Variants in GALNT2 observed in about 807,000 individuals in gnomAD.
GALNT2 encodes UDP-GalNAc:polypeptide N-acetylgalactosaminyltransferase 2.
Under a neutral mutation model 81.4 loss-of-function variants are expected in GALNT2, and 31 were observed. The observed-to-expected ratio is 0.38, with a 90% CI of 0.29 to 0.51. The LOEUF is 0.51. GALNT2 is among the 20% of genes least tolerant of loss of function. The pLI is 0.87. For synonymous variants in GALNT2, 303 were observed against 287.4 expected, an observed-to-expected ratio of 1.05 and a Z score of -0.55; for missense variants, 629 against 765.7, an observed-to-expected ratio of 0.82 and a Z score of 2.11.
intron 1 of GALNT2, among the ~76,000 whole-genome samples, chr1:230,173,229 C>T (rs1453681933): frequency 6.6e-6 from 1 of 152,196 alleles, no homozygotes; most frequent in Non-Finnish European, 1.5e-5. Context: ...GCATCTAGGT[C>T]TTTCCAGAGG....
intron 3 of GALNT2, among the ~76,000 whole-genome samples, chr1:230,230,093 G>A (rs997756779): frequency 3.3e-5 from 5 of 152,170 alleles, no homozygotes; most frequent in East Asian, 1.9e-4. Flanking sequence ...AACTTTATGC[G>A]TGAAATATTT....
rs781226893 is a variant in GALNT2, at chr1:230,243,272, C to T, written c.608-34C>T. ...GGGTTGTGCTGGCCCTGTGGCTTCT[C>T]TCTCCTGACGTGCTTTCCAACTCGC... is the stretch of plus-strand genomic sequence containing the variant. On this transcript the variant is annotated intron_variant, in intron 6 of 15. Coordinates refer to ENST00000366672, the MANE Select transcript of GALNT2 (RefSeq NM_004481.5). The surrounding 1 kb of genome is among the most constrained non-coding windows in gnomAD (Gnocchi z 4.2). The T allele has an allele frequency of 6.4e-7, 1 of 1,566,324 alleles. No homozygotes were observed. Among genetic ancestry groups the T allele is most frequent in the Non-Finnish European group, 8.6e-7 (1 of 1,157,732 alleles).
At chr1:230,251,872 C>G (rs1665554883) in intron 10 of GALNT2, among the ~76,000 whole-genome samples, 1 of 152,030 alleles carries the variant, frequency 6.6e-6, no homozygotes, top group South Asian at 2.1e-4. Flanking sequence ...ATTTACATAT[C>G]TAAGGAGGCA....
At chr1:230,180,404 C>A (rs1395884410) in intron 2 of GALNT2, among the ~76,000 whole-genome samples, 1 of 137,008 alleles carries the variant, frequency 7.3e-6, no homozygotes, top group Non-Finnish European at 1.5e-5. Context: ...GCTCCTTTGT[C>A]AGAGATCAGT....
At chr1:230,163,670 T>C (rs1321436989) in intron 1 of GALNT2, among the ~76,000 whole-genome samples, 2 of 152,244 alleles carry the variant, frequency 1.3e-5, no homozygotes, top group Non-Finnish European at 2.9e-5. Flanking sequence ...CTCACTGTCT[T>C]TTCAGCTTTC....
At chr1:230,190,595 T>C (rs1663489823) in intron 2 of GALNT2, among the ~76,000 whole-genome samples, 1 of 152,208 alleles carries the variant, frequency 6.6e-6, no homozygotes, top group African/African-American at 2.4e-5. Context: ...CCATCTCTCT[T>C]TCAGAGCCCC....
At chr1:230,233,687 A>G (rs184266514) in intron 3 of GALNT2, among the ~76,000 whole-genome samples, 2 of 152,270 alleles carry the variant, frequency 1.3e-5, no homozygotes, top group African/African-American at 4.8e-5. Flanking sequence ...AGTGAAGGGA[A>G]TGTTTCCCTC....
intron 1 of GALNT2, among the ~76,000 whole-genome samples, chr1:230,111,952 T>C (rs1660717364): frequency 6.6e-6 from 1 of 151,648 alleles, no homozygotes. Context: ...TTGTTAAAGA[T>C]CCTCTTGATT....
In GALNT2 at chr1:230,244,855, G is replaced by A. The variant is rs1477936414; in HGVS notation, c.730-1208G>A. On this transcript the variant is annotated intron_variant, in intron 7 of 15. Coordinates refer to ENST00000366672, the MANE Select transcript of GALNT2 (RefSeq NM_004481.5). ...TGTTACAGAGCTTTGCAGTGTTTGCGTGTTCCTAATTAGCATGTTCCTTCA... is the reference window on the plus strand; with the variant it reads ...TGTTACAGAGCTTTGCAGTGTTTGCATGTTCCTAATTAGCATGTTCCTTCA... Among the ~76,000 whole-genome samples the A allele has an allele frequency of 4.0e-5, 6 of 151,234 alleles. No individual in the cohort carries two copies. The East Asian group carries it at 5.8e-4, about 15-fold the overall frequency.
At chr1:230,236,594 A>G in intron 5 of GALNT2, 66 bp from the exon 6 acceptor site, 6 of 1,510,394 alleles carry the variant, frequency 4.0e-6, no homozygotes, top group Non-Finnish European at 5.5e-6. Flanking sequence ...TGAGAATACT[A>G]TGGTTGAATG....
intron 1 of GALNT2, among the ~76,000 whole-genome samples, chr1:230,137,005 G>T (rs1213342950): frequency 6.6e-6 from 1 of 152,240 alleles, no homozygotes; most frequent in Admixed American, 6.5e-5. Context: ...TCCATAGTCA[G>T]TGGGCTATTC....
rs1666365791 is a variant in GALNT2 at position 230,279,005 on chromosome 1, G to T, written c.1561-298G>T. ...CAAATCCTGTGTTAATGACGAAGGG[G>T]TGGGTGCCCAGAGCTCTGGGGCTCA... is the stretch of plus-strand genomic sequence containing the variant. On this transcript the variant is annotated intron_variant, in intron 15 of 15. Transcript: ENST00000366672. The surrounding 1 kb of genome is among the most constrained non-coding windows in gnomAD (Gnocchi z 4.6). 6.6e-6 allele frequency among the ~76,000 whole-genome samples: 1 copy of T among 152,194 alleles called. No individual in the cohort carries two copies. Among genetic ancestry groups the T allele is most frequent in the Non-Finnish European group, 1.5e-5 (1 of 68,032 alleles).
chr1:230,140,011 G>C (rs545277437), intron 1 of GALNT2, among the ~76,000 whole-genome samples: 3 of 152,206 alleles, frequency 2.0e-5, no homozygotes, highest in South Asian at 2.1e-4. Flanking sequence ...GACATCCTGC[G>C]ACCACCCCAG....
upstream of GALNT2, among the ~76,000 whole-genome samples, chr1:230,062,361 A>G (rs1659069545): frequency 6.6e-6 from 1 of 152,232 alleles, no homozygotes; most frequent in African/African-American, 2.4e-5. Flanking sequence ...GTTTTTTCAA[A>G]TTGTGATGAA....
At chr1:230,247,098 A>G (rs1256280189) in intron 8 of GALNT2, among the ~76,000 whole-genome samples, 5 of 150,446 alleles carry the variant, frequency 3.3e-5, no homozygotes, top group Admixed American at 2.6e-4. Flanking sequence ...AAAAAAAATT[A>G]GCTGCGTGTG....
Position 230,257,977 on chromosome 1 carries a change from C to T in GALNT2, c.1136+2633C>T, listed in dbSNP as rs761141700. On this transcript the variant is annotated intron_variant, in intron 11 of 15. Transcript: ENST00000366672. The surrounding 1 kb of genome is among the most constrained non-coding windows in gnomAD (Gnocchi z 4.6). ...TTGCCCAGGCTGGAGTGCAAAGGTG[C>T]GATCTCGGCTCACTGCAACCTCCAC... Among the ~76,000 whole-genome samples, 6 of 152,124 alleles carry T rather than the reference C, an allele frequency of 3.9e-5. No individual in the cohort carries two copies. The highest frequency in any genetic ancestry group is 6.6e-5 in the Admixed American group (1 of 15,260).
At chr1:230,157,461 T>C (rs1662294012) in intron 1 of GALNT2, among the ~76,000 whole-genome samples, 1 of 152,214 alleles carries the variant, frequency 6.6e-6, no homozygotes, top group Non-Finnish European at 1.5e-5. Context: ...CATGTTCTCA[T>C]ACAACGCAGT....
intron 1 of GALNT2, among the ~76,000 whole-genome samples, chr1:230,133,259 CGG>C (rs1216147169): frequency 6.6e-6 from 1 of 152,096 alleles, no homozygotes; most frequent in African/African-American, 2.4e-5. Flanking sequence ...GTGGAATTAC[CGG>C]GTCAGAGAGT....
chr1:230,067,363 G>A lies in GALNT2; in HGVS notation c.83G>A (p.Gly28Asp), dbSNP rs868540955. The change falls in exon 1 of 16, where the codon GGC becomes GAC. Residue 28 changes from glycine to aspartate, a missense_variant. Coordinates refer to ENST00000366672, the MANE Select transcript of GALNT2 (RefSeq NM_004481.5). ...GIAYYMYSGG[G>D]SALAGGAGGG... is the part of the protein sequence containing the mutation. ...GCCTACTACATGTACTCGGGGGGCG[G>A]CTCTGCGCTGGCCGGGGGCGCGGGC... 2.2e-6 allele frequency: 3 copies of A among 1,352,370 alleles called. No individual in the cohort carries two copies. Among genetic ancestry groups the A allele is most frequent in the Admixed American group, 2.9e-5 (1 of 34,448 alleles). 83.8% of individuals were successfully genotyped at this position (1,352,370 alleles called of 1,614,324 possible). A position where few individuals can be genotyped will look rare whatever the true frequency, so the allele number is the denominator to read the frequency against.
Sources: allele counts gnomAD v4.1 joint callset (sites outside exome capture counted in the v4.1 genomes callset), GRCh38; gene constraint gnomAD v4.1.1; non-coding constraint Gnocchi (gnomAD v3.1); transcripts MANE v1.5; gene names NCBI Gene and HGNC (gene_info 2026-07-23, HGNC 2026-07-21).